Variants in NRXN3 observed in about 807,000 individuals in gnomAD.
NRXN3 encodes neurexin 3.
NRXN3 carries 32 observed loss-of-function variants against 137.6 expected under a neutral mutation model. The ratio of observed to expected loss-of-function variants is 0.23; its 90% CI spans 0.18 to 0.31. NRXN3 has a LOEUF of 0.31. Ranked by LOEUF, NRXN3 falls within the 10% of genes least tolerant of loss-of-function variation. The pLI is 1.00. For synonymous variants in NRXN3, 798 were observed against 784.5 expected, an observed-to-expected ratio of 1.02 and a Z score of -0.29; for missense variants, 1,574 against 2,062.5, an observed-to-expected ratio of 0.76 and a Z score of 4.59.
intron 16 of NRXN3, among the ~76,000 whole-genome samples, chr14:79,634,480 T>G (rs536205482): frequency 6.6e-6 from 1 of 152,256 alleles, no homozygotes; most frequent in Admixed American, 6.5e-5. Context: ...AAGTCCTTTT[T>G]GTTTTTTGAT....
intron 4 of NRXN3, among the ~76,000 whole-genome samples, chr14:78,580,652 T>C (rs376277546): frequency 1.3e-5 from 2 of 152,188 alleles, no homozygotes; most frequent in South Asian, 2.1e-4. Flanking sequence ...TACAGACTCA[T>C]TGGAGAGGTG....
At chr14:78,506,940 C>T (rs1422287417) in intron 4 of NRXN3, among the ~76,000 whole-genome samples, 1 of 152,052 alleles carries the variant, frequency 6.6e-6, no homozygotes, top group African/African-American at 2.4e-5. Context: ...ATCTGTTCAC[C>T]TCCTTTGCCC....
intron 19 of NRXN3, among the ~76,000 whole-genome samples, chr14:79,795,465 A>G (rs2099158320): frequency 1.3e-5 from 2 of 152,130 alleles, no homozygotes; most frequent in South Asian, 4.1e-4. Context: ...CTAGGCATGA[A>G]TAGGGATAAA....
chr14:78,773,837 C>G (rs1336415389), intron 8 of NRXN3, among the ~76,000 whole-genome samples: 1 of 152,154 alleles, frequency 6.6e-6, no homozygotes, highest in African/African-American at 2.4e-5. Context: ...GAGTCTCACT[C>G]TGTCACCAGG....
At chr14:79,038,592 C>G (rs576955989) in intron 15 of NRXN3, among the ~76,000 whole-genome samples, 1 of 152,078 alleles carries the variant, frequency 6.6e-6, no homozygotes, top group African/African-American at 2.4e-5. Flanking sequence ...TGGGTATGCT[C>G]TCCTTGCTAT....
At chr14:78,808,819 T>G (rs1275804830) in intron 9 of NRXN3, among the ~76,000 whole-genome samples, 2 of 152,160 alleles carry the variant, frequency 1.3e-5, no homozygotes, top group Non-Finnish European at 2.9e-5. Context: ...TTATTCTTGC[T>G]CCTTTAAAAT....
At chr14:78,638,184 T>C (rs60339939) in intron 4 of NRXN3, among the ~76,000 whole-genome samples, 9,276 of 152,264 alleles carry the variant, frequency 0.061, 341 homozygotes, top group Middle Eastern at 0.15. Context: ...TGGAAAAGTC[T>C]ATTTATTTCT....
intron 10 of NRXN3, among the ~76,000 whole-genome samples, chr14:78,868,816 C>T (rs548876679): frequency 1.3e-4 from 20 of 151,626 alleles, no homozygotes; most frequent in Non-Finnish European, 1.6e-4. Flanking sequence ...AGCGAAACTC[C>T]ATCTCAAAAA....
chr14:79,060,467 A>T (rs1165636834), intron 15 of NRXN3, among the ~76,000 whole-genome samples: 1 of 152,138 alleles, frequency 6.6e-6, no homozygotes, highest in African/African-American at 2.4e-5. Context: ...CCACTTTTTC[A>T]TCTCCATCTC....
At position 79,866,551 on chromosome 14, in the gene NRXN3, A is replaced by C. The variant is rs2099418138; in HGVS notation, c.*4587A>C. On this transcript the variant is annotated 3_prime_UTR_variant, in exon 21 of 21. Transcript: ENST00000335750. ...AAACCATAATTTGGATTGATGACAG[A>C]CTGCAAAAAGTACATTGGAGGAAGA... The C allele has an allele frequency of 6.6e-6, 1 of 152,212 alleles. No homozygotes were observed. Among genetic ancestry groups the C allele is most frequent in the Non-Finnish European group, 1.5e-5 (1 of 68,050 alleles). The allele number at this position is 152,212 out of a possible 1,614,324, so 9.4% of individuals were successfully genotyped here.
intron 7 of NRXN3, among the ~76,000 whole-genome samples, chr14:78,712,425 G>A (rs1410197549): frequency 6.6e-6 from 1 of 152,134 alleles, no homozygotes; most frequent in African/African-American, 2.4e-5. Context: ...AAAACAAAAG[G>A]CAAAGCATAT....
At chr14:79,824,299 G>A (rs1434226331) in intron 20 of NRXN3, among the ~76,000 whole-genome samples, 2 of 152,144 alleles carry the variant, frequency 1.3e-5, no homozygotes, top group African/African-American at 2.4e-5. Context: ...ATCTGTCACT[G>A]CAGCTACAAA....
At chr14:78,685,438 C>T (rs1175938495) in intron 6 of NRXN3, among the ~76,000 whole-genome samples, 1 of 152,074 alleles carries the variant, frequency 6.6e-6, no homozygotes, top group Non-Finnish European at 1.5e-5. Flanking sequence ...TCTCTATCCT[C>T]ATCTCCAATG....
chr14:79,283,042 A>T (rs542155763), intron 15 of NRXN3, among the ~76,000 whole-genome samples: 71 of 152,300 alleles, frequency 4.7e-4, no homozygotes, highest in Non-Finnish European at 8.4e-4. Flanking sequence ...TGCACTTCTC[A>T]TTCTTACTTG....
chr14:78,856,817 T>G (rs2099058529), intron 10 of NRXN3, among the ~76,000 whole-genome samples: 1 of 152,204 alleles, frequency 6.6e-6, no homozygotes, highest in South Asian at 2.1e-4. Context: ...TTCTGCAACC[T>G]CTGCCTCCCA....
chr14:79,031,535 G>T (rs1197084902), intron 15 of NRXN3, among the ~76,000 whole-genome samples: 3 of 152,108 alleles, frequency 2.0e-5, no homozygotes, highest in Non-Finnish European at 4.4e-5. Flanking sequence ...GAAACAAAAT[G>T]AGGGCACTAT....
chr14:79,488,733 G>T (rs901638303), intron 16 of NRXN3, among the ~76,000 whole-genome samples: 4 of 152,062 alleles, frequency 2.6e-5, no homozygotes, highest in African/African-American at 9.7e-5. Flanking sequence ...TCATATCTAG[G>T]TGTCTTAAAC....
intron 10 of NRXN3, among the ~76,000 whole-genome samples, chr14:78,951,369 T>TG (rs1190440991): frequency 6.6e-6 from 1 of 152,168 alleles, no homozygotes; most frequent in African/African-American, 2.4e-5. Context: ...TTTGCATGAT[T>TG]GGCTCCTTCC....
intron 16 of NRXN3, among the ~76,000 whole-genome samples, chr14:79,481,967 A>G (rs1403033983): frequency 6.6e-6 from 1 of 152,166 alleles, no homozygotes; most frequent in Non-Finnish European, 1.5e-5. Context: ...CAGAAGTGCA[A>G]AAGCCTGAAA....
Sources: gnomAD v4.1 joint callset for allele counts (sites outside exome capture counted in the v4.1 genomes callset) on GRCh38, gnomAD v4.1.1 for gene constraint, MANE v1.5 for transcripts, NCBI Gene and HGNC (gene_info 2026-07-23, HGNC 2026-07-21) for gene names.